The following SHISA6 variants were observed in gnomAD, a reference collection of about 807,000 sequenced individuals.
SHISA6 encodes the protein protein shisa-6.
Under a neutral mutation model 47.9 loss-of-function variants are expected in SHISA6, and 22 were observed. The observed-to-expected ratio is 0.46, with a 90% confidence interval of 0.33 to 0.66. The LOEUF is 0.66. SHISA6 is among the 30% of genes least tolerant of loss of function. SHISA6 has a pLI of 0.02. For synonymous variants in SHISA6, 388 were observed against 337.8 expected (o/e 1.15, Z -1.63); for missense variants, 680 against 764.6 (o/e 0.89, Z 1.30).
chr17:11,392,199 T>C (rs1366309997), intron 3 of SHISA6, among the ~76,000 whole-genome samples: 2 of 152,078 alleles, frequency 1.3e-5, no homozygotes, highest in African/African-American at 4.8e-5. Flanking sequence ...GGGGAGTAAT[T>C]CTGGGGAAAT....
At chr17:11,272,987 C>A (rs907027691) in intron 2 of SHISA6, among the ~76,000 whole-genome samples, 1 of 152,150 alleles carries the variant, frequency 6.6e-6, no homozygotes, top group African/African-American at 2.4e-5. Flanking sequence ...CCCTGGCCTG[C>A]CAGAGAGAGT....
intron 2 of SHISA6, among the ~76,000 whole-genome samples, chr17:11,323,734 C>T (rs988232691): frequency 6.6e-6 from 1 of 151,524 alleles, no homozygotes; most frequent in Non-Finnish European, 1.5e-5. Context: ...GGACTTCAAC[C>T]TGTAGGCTTT....
intron 3 of SHISA6, among the ~76,000 whole-genome samples, chr17:11,434,542 C>G (rs988430099): frequency 1.3e-5 from 2 of 152,154 alleles, no homozygotes; most frequent in African/African-American, 2.4e-5. Flanking sequence ...ATAAAGATAG[C>G]ATTCCCATGT....
intron 4 of SHISA6, among the ~76,000 whole-genome samples, chr17:11,554,449 G>A (rs1468892826): frequency 1.3e-5 from 2 of 152,064 alleles, no homozygotes; most frequent in Admixed American, 1.3e-4. Flanking sequence ...GGCTGCCCTT[G>A]GACAATGCCT....
At chr17:11,348,401 A>G (rs896572880) in intron 2 of SHISA6, among the ~76,000 whole-genome samples, 1 of 152,188 alleles carries the variant, frequency 6.6e-6, no homozygotes, top group Non-Finnish European at 1.5e-5. Flanking sequence ...TTGTTAAAGC[A>G]GGCTTTAAAG....
chr17:11,373,915 T>C (rs1421026614), intron 2 of SHISA6, among the ~76,000 whole-genome samples: 1 of 152,212 alleles, frequency 6.6e-6, no homozygotes, highest in East Asian at 1.9e-4. Context: ...CTAGGTTATA[T>C]ACCTAGAAGT....
At chr17:11,331,218 C>T (rs1302291266) in intron 2 of SHISA6, among the ~76,000 whole-genome samples, 1 of 152,104 alleles carries the variant, frequency 6.6e-6, no homozygotes, top group Non-Finnish European at 1.5e-5. Context: ...AATGCATTAC[C>T]CTTCTTTATT....
chr17:11,499,731 T>C (rs2071436684), intron 3 of SHISA6, among the ~76,000 whole-genome samples: 2 of 149,266 alleles, frequency 1.3e-5, no homozygotes, highest in East Asian at 2.0e-4. Context: ...AGACAGAGTC[T>C]CACTCTGTTG....
intron 2 of SHISA6, among the ~76,000 whole-genome samples, chr17:11,329,218 G>A (rs172213): frequency 0.051 from 7,692 of 152,256 alleles, 237 homozygotes; most frequent in Middle Eastern, 0.1. Flanking sequence ...TTCCCATCAA[G>A]TGACCTATGA....
intron 3 of SHISA6, among the ~76,000 whole-genome samples, chr17:11,524,248 A>G (rs1034942774): frequency 2.0e-5 from 3 of 152,126 alleles, no homozygotes; most frequent in South Asian, 2.1e-4. Flanking sequence ...ACCAAAAATC[A>G]TAAGAGAGCA....
chr17:11,266,959 A>G (rs1266239730), intron 2 of SHISA6, among the ~76,000 whole-genome samples: 3 of 152,176 alleles, frequency 2.0e-5, no homozygotes, highest in Non-Finnish European at 4.4e-5. Flanking sequence ...TAATAATGAA[A>G]ACAATAATAA....
intron 3 of SHISA6, among the ~76,000 whole-genome samples, chr17:11,418,811 C>A (rs1285929169): frequency 2.0e-5 from 3 of 152,180 alleles, no homozygotes; most frequent in African/African-American, 4.8e-5. Context: ...TGAATTTGTT[C>A]TTTTCTTTCT....
intron 3 of SHISA6, among the ~76,000 whole-genome samples, chr17:11,525,292 A>C (rs1257910817): frequency 6.6e-6 from 1 of 152,148 alleles, no homozygotes; most frequent in Non-Finnish European, 1.5e-5. Flanking sequence ...GGGGAGATGT[A>C]CACTTATTGG....
At chr17:11,296,031 G>A (rs528768713) in intron 2 of SHISA6, among the ~76,000 whole-genome samples, 2 of 151,834 alleles carry the variant, frequency 1.3e-5, no homozygotes, top group South Asian at 4.2e-4. Flanking sequence ...GTGCAAGGGC[G>A]CTGATAAGCC....
At chr17:11,277,260 TCTCTCTCTCTC>T (rs1567558251) in intron 2 of SHISA6, among the ~76,000 whole-genome samples, 1 of 102,704 alleles carries the variant, frequency 9.7e-6, no homozygotes, top group Non-Finnish European at 1.9e-5. Flanking sequence ...TCTCTCTCTC[TCTCTCTCTCTC>T]TCTCTCTCTC....
intron 3 of SHISA6, among the ~76,000 whole-genome samples, chr17:11,489,032 TC>T (rs1449411320): frequency 6.6e-6 from 1 of 152,202 alleles, no homozygotes; most frequent in Non-Finnish European, 1.5e-5. Flanking sequence ...GTTTGGAGCC[TC>T]CTTGTCTAGA....
chr17:11,351,579 G>GTAT (rs1234519688), intron 2 of SHISA6, among the ~76,000 whole-genome samples: 1 of 152,112 alleles, frequency 6.6e-6, no homozygotes, highest in Non-Finnish European at 1.5e-5. Context: ...TCTTAATCAT[G>GTAT]TATTCATTAC....
chr17:11,505,049 G>A (rs182118514), intron 3 of SHISA6, among the ~76,000 whole-genome samples: 1 of 152,326 alleles, frequency 6.6e-6, no homozygotes, highest in Admixed American at 6.5e-5. Context: ...GGACTTGAAT[G>A]TTTTAGCAAA....
chr17:11,327,567 C>T lies in SHISA6; in HGVS notation c.800-51847C>T, dbSNP rs149885852. Among the ~76,000 whole-genome samples, 305 of 152,288 alleles carry T rather than the reference C, an allele frequency of 2.0e-3. 2 individuals are homozygous for T. The highest frequency in any genetic ancestry group is 6.9e-3 in the African/African-American group (286 of 41,544). On this transcript the variant is annotated intron_variant, in intron 2 of 5. Coordinates refer to ENST00000441885, the MANE Select transcript of SHISA6 (RefSeq NM_207386.4). ...GACCCAGCACTTTGGGAGGCCAAGG[C>T]GGGTGGATCACTTGAGGCCAGGAGT...
Sources: allele counts gnomAD v4.1 joint callset (sites outside exome capture counted in the v4.1 genomes callset), GRCh38; gene constraint gnomAD v4.1.1; transcripts MANE v1.5; gene names NCBI Gene and HGNC (gene_info 2026-07-23, HGNC 2026-07-21).